The following ACSS3 variants were observed in gnomAD, a reference collection of about 807,000 sequenced individuals.
ACSS3 encodes the protein acyl-CoA synthetase short-chain family member 3, mitochondrial.
In ACSS3, 64 loss-of-function variants were observed where a neutral mutation model predicts 84.2. The ratio of observed to expected loss-of-function variants is 0.76; its 90% CI spans 0.62 to 0.94. ACSS3 has a LOEUF of 0.94. Among genes scored for constraint, ACSS3 ranks in the 40% least tolerant of loss-of-function variants. The pLI, the probability that ACSS3 is intolerant of heterozygous loss-of-function variation, is 0.00. For synonymous variants in ACSS3, 317 were observed against 310.1 expected (o/e 1.02, Z -0.23); for missense variants, 815 against 867.6 (o/e 0.94, Z 0.76).
chr12:81,185,887 C>A (rs1010339096), intron 8 of ACSS3, among the ~76,000 whole-genome samples: 1 of 151,486 alleles, frequency 6.6e-6, no homozygotes, highest in African/African-American at 2.4e-5. Flanking sequence ...TGTAAAAGAC[C>A]CCAAGTAGGC....
In ACSS3 at chr12:81,164,187, A is replaced by G. The variant is rs145604717; in HGVS notation, c.1099-10601A>G. 3.3e-5 allele frequency among the ~76,000 whole-genome samples: 5 copies of G among 152,226 alleles called. No individual in the cohort carries two copies. The East Asian group carries it at 9.6e-4, about 29-fold the overall frequency. Reference sequence around the variant, plus strand: ...ACCATATTTTTACTGTTATTTTTCTATGCTTAAACATGTTTAGGTACACAG... The same window carrying G: ...ACCATATTTTTACTGTTATTTTTCTGTGCTTAAACATGTTTAGGTACACAG... On this transcript the variant is annotated intron_variant, in intron 7 of 15. Transcript: ENST00000548058.
At chr12:81,230,178 G>C (rs1002341865) in intron 11 of ACSS3, among the ~76,000 whole-genome samples, 1 of 151,822 alleles carries the variant, frequency 6.6e-6, no homozygotes, top group African/African-American at 2.4e-5. Flanking sequence ...GGTTTTGAAA[G>C]CCCCTATGTT....
intron 2 of ACSS3, chr12:81,124,643 C>T (rs1299427140): frequency 6.6e-6 from 1 of 152,130 alleles, no homozygotes; most frequent in East Asian, 1.9e-4. Flanking sequence ...TTCTCTTTTA[C>T]TCTCCAAAGG....
chr12:81,165,869 A>G (rs1887378092), intron 7 of ACSS3, among the ~76,000 whole-genome samples: 2 of 152,196 alleles, frequency 1.3e-5, no homozygotes, highest in African/African-American at 2.4e-5. Context: ...AACTTTGTGA[A>G]TGAGACAATA....
intron 2 of ACSS3, among the ~76,000 whole-genome samples, chr12:81,110,545 A>T (rs964008928): frequency 6.6e-6 from 1 of 152,348 alleles, no homozygotes; most frequent in East Asian, 1.9e-4. Context: ...AACATTTACT[A>T]AAAATGATTT....
Position 81,260,040 on chromosome 12 carries a change from A to C in ACSS3, c.*5118A>C, listed in dbSNP as rs2034863243. The stretch of plus-strand genomic sequence containing the variant: ...CTAGTTCATATATTTTAGAGTTCTT[A>C]AAAAATACCTTTATTTGTTACAAAA... On this transcript the variant is annotated 3_prime_UTR_variant, in exon 16 of 16. Coordinates refer to ENST00000548058, the MANE Select transcript of ACSS3 (RefSeq NM_024560.4). 6.2e-6 allele frequency: 1 copy of C among 162,072 alleles called. No individual in the cohort carries two copies. The highest frequency in any genetic ancestry group is 2.4e-5 in the African/African-American group (1 of 41,824). The allele number at this position is 162,072 out of a possible 1,614,324, so 10.0% of individuals were successfully genotyped here.
chr12:81,144,854 C>A (rs1447917551), intron 5 of ACSS3, among the ~76,000 whole-genome samples: 2 of 151,214 alleles, frequency 1.3e-5, no homozygotes, highest in African/African-American at 4.9e-5. Context: ...AAAAGTGGTT[C>A]CAAATAAGGA....
chr12:81,087,466 G>GAA (rs1179985495), intron 1 of ACSS3, among the ~76,000 whole-genome samples: 1 of 151,542 alleles, frequency 6.6e-6, no homozygotes, highest in Non-Finnish European at 1.5e-5. Context: ...GAAGGAGGAA[G>GAA]AAAAAGAATG....
chr12:81,207,702 C>T (rs1358148753), intron 9 of ACSS3, among the ~76,000 whole-genome samples: 1 of 152,024 alleles, frequency 6.6e-6, no homozygotes, highest in Non-Finnish European at 1.5e-5. Flanking sequence ...AAAATGTAAC[C>T]GTAGAGATTT....
rs1886693351 is a variant in ACSS3, at chr12:81,153,122, G to T, written c.1098+1026G>T. 2.0e-5 allele frequency among the ~76,000 whole-genome samples: 3 copies of T among 152,110 alleles called. No homozygotes were observed. The South Asian group carries it at 6.2e-4, about 31-fold the overall frequency. Reference sequence around the variant, plus strand: ...ATGGAAATAATGTATACAAGAAAGAGGTGGGCTGGGCATGTTGGCTTATGC... The same window carrying T: ...ATGGAAATAATGTATACAAGAAAGATGTGGGCTGGGCATGTTGGCTTATGC... On this transcript the variant is annotated intron_variant, in intron 7 of 15. Transcript: ENST00000548058.
intron 9 of ACSS3, among the ~76,000 whole-genome samples, chr12:81,205,059 G>T (rs2032286767): frequency 6.6e-6 from 1 of 152,040 alleles, no homozygotes; most frequent in Non-Finnish European, 1.5e-5. Flanking sequence ...CTCCATAATT[G>T]ATTGAACTGC....
intron 9 of ACSS3, among the ~76,000 whole-genome samples, chr12:81,206,171 T>A (rs926819880): frequency 6.6e-6 from 1 of 152,160 alleles, no homozygotes. Flanking sequence ...CTTGTTATTC[T>A]CTGCTTCTGT....
At chr12:81,200,177 G>T (rs2032036169) in intron 9 of ACSS3, among the ~76,000 whole-genome samples, 1 of 152,146 alleles carries the variant, frequency 6.6e-6, no homozygotes, top group African/African-American at 2.4e-5. Context: ...TGCTTCTTTT[G>T]AGGGATGGCT....
At chr12:81,151,608 A>G in intron 5 of ACSS3, 1 of 373,082 alleles carries the variant, frequency 2.7e-6, no homozygotes, top group African/African-American at 2.1e-5. Context: ...GAAGACTAAT[A>G]ATGTTATGTG....
intron 3 of ACSS3, among the ~76,000 whole-genome samples, chr12:81,138,798 G>A (rs1460740951): frequency 6.6e-6 from 1 of 152,128 alleles, no homozygotes; most frequent in Non-Finnish European, 1.5e-5. Context: ...TGGGGCCTTT[G>A]CAAGTAAGGG....
At chr12:81,101,426 G>A (rs1882503260) in intron 1 of ACSS3, among the ~76,000 whole-genome samples, 1 of 151,768 alleles carries the variant, frequency 6.6e-6, no homozygotes, top group Non-Finnish European at 1.5e-5. Flanking sequence ...TTCTATTACT[G>A]CCCTCCAATT....
intron 1 of ACSS3, among the ~76,000 whole-genome samples, chr12:81,086,569 C>T (rs143158168): frequency 0.013 from 1,950 of 152,214 alleles, 33 homozygotes; most frequent in Non-Finnish European, 0.019. Context: ...GAAATTCAAT[C>T]GGCTGTGACT....
intron 13 of ACSS3, among the ~76,000 whole-genome samples, chr12:81,236,045 G>T (rs1348988605): frequency 6.6e-6 from 1 of 151,414 alleles, no homozygotes. Context: ...CCCTTGTCTT[G>T]ATCCTGATCT....
At chr12:81,098,291 G>A (rs1882232772) in intron 1 of ACSS3, among the ~76,000 whole-genome samples, 1 of 151,978 alleles carries the variant, frequency 6.6e-6, no homozygotes, top group African/African-American at 2.4e-5. Context: ...GAATAATTGG[G>A]TAAATAATGC....
Sources: gnomAD v4.1 joint callset for allele counts (sites outside exome capture counted in the v4.1 genomes callset) on GRCh38, gnomAD v4.1.1 for gene constraint, MANE v1.5 for transcripts, NCBI Gene and HGNC (gene_info 2026-07-23, HGNC 2026-07-21) for gene names.